Variants in PHRF1 observed in about 807,000 individuals in gnomAD.
PHRF1 encodes the protein PHD and RING finger domain-containing protein 1.
PHRF1 carries 53 observed loss-of-function variants against 128.9 expected under a neutral mutation model. The observed-to-expected ratio is 0.41, with a 90% CI of 0.33 to 0.52. The LOEUF is 0.52. PHRF1 is among the 20% of genes least tolerant of loss of function. PHRF1 has a pLI of 0.21. For synonymous variants in PHRF1, 1,178 were observed against 980.6 expected (o/e 1.20, Z -3.76); for missense variants, 2,503 against 2,284.5 (o/e 1.10, Z -1.95).
chr11:603,446 C>T (rs941276423), intron 10 of PHRF1, among the ~76,000 whole-genome samples: 3 of 152,008 alleles, frequency 2.0e-5, no homozygotes, highest in Non-Finnish European at 2.9e-5. Flanking sequence ...GGTGATCCTC[C>T]CACGTCAGCC....
Position 607,900 on chromosome 11 carries a change from C to G in PHRF1, c.2444C>G (p.Pro815Arg). ...DKEQRKENPS[P>R]LFSIKKTKQL... ...GAGCAGAGGAAGGAGAACCCCTCACCCCTCTTCTCCATCAAGAAGACGAAG... is the reference window on the plus strand; with the variant it reads ...GAGCAGAGGAAGGAGAACCCCTCACGCCTCTTCTCCATCAAGAAGACGAAG... Residue 815 changes from proline to arginine, a missense_variant, in exon 14 of 18, where the codon CCC (proline) becomes CGC (arginine). Physicochemically the swap from Pro to Arg is moderately radical, Grantham distance 103 (BLOSUM62 -2). Coordinates refer to ENST00000264555, the MANE Select transcript of PHRF1 (RefSeq NM_001286581.2). 1 of 1,612,716 alleles carries G rather than the reference C, an allele frequency of 6.2e-7. No individual in the cohort carries two copies.
In PHRF1 at chr11:581,983, G is replaced by A. The variant is rs1854232028; in HGVS notation, c.116G>A (p.Ser39Asn). The change falls in exon 3 of 18, where the codon AGT becomes AAT. Residue 39 changes from serine to asparagine, a missense_variant. Coordinates refer to ENST00000264555, the MANE Select transcript of PHRF1 (RefSeq NM_001286581.2). ...GDFEESSVGS[S>N]GDSGDDSDSE... ...CTAGAAGAAAGCAGCGTGGGCAGCA[G>A]TGGGGACTCTGGGGACGACAGTGAC... is the stretch of plus-strand genomic sequence containing the variant. The A allele has an allele frequency of 1.9e-6, 3 of 1,605,678 alleles. No homozygotes were observed. The highest frequency in any genetic ancestry group is 1.3e-5 in the African/African-American group (1 of 74,958).
Position 607,844 on chromosome 11 carries a change from C to T in PHRF1, c.2388C>T (p.Phe796=), listed in dbSNP as rs1244192749. The change falls in exon 14 of 18, where the codon TTC becomes TTT. Residue 796 remains phenylalanine (F), a synonymous_variant. Coordinates refer to ENST00000264555, the MANE Select transcript of PHRF1 (RefSeq NM_001286581.2). The part of the protein sequence containing the change: ...AHSSQLSSPG[F]CNTFRPVDDK... ...CCAGCCAGCTCTCCAGCCCTGGCTT[C>T]TGTAACACGTTCCGGCCTGTGGACG... 2.5e-6 allele frequency: 4 copies of T among 1,612,822 alleles called. No individual in the cohort carries two copies. The highest frequency in any genetic ancestry group is 3.4e-6 in the Non-Finnish European group (4 of 1,179,884).
Position 605,660 on chromosome 11 carries a change from C to A in PHRF1, c.1390C>A (p.Leu464Met). ...LSPLSAKRRA[L>M]SRSALQSHQP... ...CCCTCTGAGTGCCAAGAGACGGGCT[C>A]TGTCCCGGTCAGCCCTGCAGTCCCA... is the stretch of plus-strand genomic sequence containing the variant. Residue 464 changes from leucine to methionine, a missense_variant, in exon 12 of 18, where the codon CTG becomes ATG. Transcript: ENST00000264555. 3 of 1,613,630 alleles carry A rather than the reference C, an allele frequency of 1.9e-6. No homozygotes were observed. The highest frequency in any genetic ancestry group is 2.5e-6 in the Non-Finnish European group (3 of 1,179,882).
Position 591,347 on chromosome 11 carries a change from A to G in PHRF1, c.421-37A>G, listed in dbSNP as rs749843217. ...AATTTTTGATCTCTAAGTGAAAGTG[A>G]TTGACAAGATTCTGATCCTGTTTTT... On this transcript the variant is annotated intron_variant, in intron 4 of 17. Coordinates refer to ENST00000264555, the MANE Select transcript of PHRF1 (RefSeq NM_001286581.2). 13 of 1,548,574 alleles carry G rather than the reference A, an allele frequency of 8.4e-6. No individual in the cohort carries two copies. The East Asian group carries it at 2.3e-4, about 27-fold the overall frequency.
At position 606,369 on chromosome 11, in the gene PHRF1, G is replaced by A. The variant is rs1855939162; in HGVS notation, c.1455-73G>A. 7 of 1,461,268 alleles carry A rather than the reference G, an allele frequency of 4.8e-6. No homozygotes were observed. In the Admixed American group the frequency reaches 1.2e-4, roughly 25 times the overall value. 90.5% of individuals were successfully genotyped at this position (1,461,268 alleles called of 1,614,324 possible). On this transcript the variant is annotated intron_variant, in intron 12 of 17. Coordinates refer to ENST00000264555, the MANE Select transcript of PHRF1 (RefSeq NM_001286581.2). ...ACTCTCCCTGGCTCCCGCCTGCTGC[G>A]GGGCTCTGCCTGGGTGCGGGCCCTC...
rs1564837359 is a variant in PHRF1 at position 581,574 on chromosome 11, A to G, written c.62A>G (p.Gln21Arg). 6.2e-7 allele frequency: 1 copy of G among 1,613,280 alleles called. No homozygotes were observed. Among genetic ancestry groups the G allele is most frequent in the Non-Finnish European group, 8.5e-7 (1 of 1,179,848 alleles). ...ARSPGPDGHP[Q>R]VGPADPAGDF... ...AGCCCAGGGCCGGATGGACACCCAC[A>G]GGTCGGCCCTGCGGACCCGGCAGGT... Residue 21 changes from glutamine (Q) to arginine (R), a missense_variant, in exon 2 of 18, where the codon CAG becomes CGG. Transcript: ENST00000264555.
rs1855392785 is a variant in PHRF1 at position 597,876 on chromosome 11, C to G, written c.894+306C>G. Among the ~76,000 whole-genome samples, 2 of 152,220 alleles carry G rather than the reference C, an allele frequency of 1.3e-5. No homozygotes were observed. The highest frequency in any genetic ancestry group is 2.1e-4 in the South Asian group (1 of 4,838). On this transcript the variant is annotated intron_variant, in intron 8 of 17. Coordinates refer to ENST00000264555, the MANE Select transcript of PHRF1 (RefSeq NM_001286581.2). This position sits in a 1 kb window ranked among gnomAD's most constrained non-coding sequence, Gnocchi z 6.5. ...AGGCCCCATGCCAGCACCGCTCCCT[C>G]TAGGCACCTGTGAGCACCTTCCTCT... is the stretch of plus-strand genomic sequence containing the variant.
intron 10 of PHRF1, among the ~76,000 whole-genome samples, chr11:603,819 C>T (rs181477137): frequency 3.0e-4 from 43 of 143,826 alleles, no homozygotes; most frequent in Admixed American, 6.6e-4. Context: ...ACTGCAACCT[C>T]GGCCTCCCAA....
At chr11:577,231 A>C (rs1405128258) in intron 1 of PHRF1, among the ~76,000 whole-genome samples, 1 of 152,346 alleles carries the variant, frequency 6.6e-6, no homozygotes, top group Non-Finnish European at 1.5e-5. Context: ...ATTGGAGCCC[A>C]GAAAGGCTAA....
chr11:604,455 G>C (rs1315069856), intron 10 of PHRF1, among the ~76,000 whole-genome samples: 1 of 152,222 alleles, frequency 6.6e-6, no homozygotes, highest in Non-Finnish European at 1.5e-5. Flanking sequence ...AGGAATTTAG[G>C]AATAATGACA....
At chr11:604,999 T>G in intron 10 of PHRF1, 120 bp from the exon 11 acceptor site, 6 of 1,011,648 alleles carry the variant, frequency 5.9e-6, no homozygotes, top group Non-Finnish European at 8.6e-6. Flanking sequence ...GACTTTGGCT[T>G]AGTATTTTCC....
intron 1 of PHRF1, among the ~76,000 whole-genome samples, chr11:578,671 T>A (rs530941032): frequency 1.3e-5 from 2 of 152,206 alleles, no homozygotes; most frequent in Admixed American, 1.3e-4. Flanking sequence ...GCTGAAGTGA[T>A]CTTTGCACCT....
chr11:592,764 A>C, intron 6 of PHRF1, 90 bp downstream of exon 6: 4 of 1,401,414 alleles, frequency 2.9e-6, no homozygotes, highest in Non-Finnish European at 4.0e-6. Context: ...CGCTCTGTGA[A>C]GTCTGAGTCC....
At chr11:593,099 C>T (rs993228938) in intron 6 of PHRF1, among the ~76,000 whole-genome samples, 1 of 152,200 alleles carries the variant, frequency 6.6e-6, no homozygotes, top group African/African-American at 2.4e-5. Context: ...TATGCTGCAC[C>T]TGCTGCTCTC....
rs1856281129 is a variant in PHRF1, at chr11:610,255, G to T, written c.4324G>T (p.Ala1442Ser). The T allele has an allele frequency of 1.9e-6, 3 of 1,554,854 alleles. No individual in the cohort carries two copies. The highest frequency in any genetic ancestry group is 2.6e-6 in the Non-Finnish European group (3 of 1,149,278). ...REGAWDMEDV[A>S]PTGVRQVFSE... ...AGGAGCCTGGGACATGGAGGATGTG[G>T]CCCCCACAGGGGTCAGGCAGGTGTT... Residue 1442 changes from alanine (A) to serine (S), a missense_variant, in exon 15 of 18, where the codon GCC becomes TCC. By Grantham distance (99) the Ala-to-Ser change is moderately conservative (BLOSUM62 1). Coordinates refer to ENST00000264555, the MANE Select transcript of PHRF1 (RefSeq NM_001286581.2).
chr11:576,874 C>A (rs1224644562), intron 1 of PHRF1, among the ~76,000 whole-genome samples: 6 of 118,844 alleles, frequency 5.0e-5, no homozygotes, highest in African/African-American at 1.9e-4. Flanking sequence ...GAGGCCCCGC[C>A]GAGACTGGGA....
chr11:600,196 T>G (rs963240260), intron 9 of PHRF1, among the ~76,000 whole-genome samples: 1 of 151,936 alleles, frequency 6.6e-6, no homozygotes, highest in Non-Finnish European at 1.5e-5. Context: ...CAGGCTCTGT[T>G]CTTCGGTGCA....
At chr11:581,872 C>CGTCAG in intron 2 of PHRF1, 90 bp from the exon 3 acceptor site, 5 of 1,456,702 alleles carry the variant, frequency 3.4e-6, no homozygotes, top group Non-Finnish European at 4.5e-6. Context: ...GCAGGTGCTC[C>CGTCAG]TGACGCCTCT....
Sources: allele counts gnomAD v4.1 joint callset (sites outside exome capture counted in the v4.1 genomes callset), GRCh38; gene constraint gnomAD v4.1.1; non-coding constraint Gnocchi (gnomAD v3.1); transcripts MANE v1.5; gene names NCBI Gene and HGNC (gene_info 2026-07-23, HGNC 2026-07-21).